Variants in SLC9C1 observed in about 807,000 individuals in gnomAD.
The protein encoded by SLC9C1 is sodium/hydrogen exchanger 10.
A neutral mutation model predicts 140.9 loss-of-function variants in SLC9C1; 97 were observed. The ratio of observed to expected loss-of-function variants is 0.69; its 90% confidence interval spans 0.58 to 0.82. SLC9C1 has a LOEUF of 0.82. SLC9C1 is among the 40% of genes least tolerant of loss of function. The pLI, the probability that SLC9C1 is intolerant of heterozygous loss-of-function variation, is 0.00. For synonymous variants in SLC9C1, 440 were observed against 442.6 expected (o/e 0.99, Z 0.07); for missense variants, 1,340 against 1,389.3 (o/e 0.96, Z 0.56).
intron 10 of SLC9C1, among the ~76,000 whole-genome samples, chr3:112,257,557 G>A (rs1458271940): frequency 6.6e-6 from 1 of 152,088 alleles, no homozygotes; most frequent in South Asian, 2.1e-4. Context: ...ACTCAAGATA[G>A]ATTAAAGACT....
chr3:112,170,905 C>A (rs1442091367), intron 23 of SLC9C1, among the ~76,000 whole-genome samples: 4 of 152,186 alleles, frequency 2.6e-5, no homozygotes, highest in African/African-American at 9.6e-5. Context: ...ACATTTTACA[C>A]TCTCATCAGC....
At chr3:112,290,572 T>C (rs1038190457) in intron 1 of SLC9C1, among the ~76,000 whole-genome samples, 5 of 152,190 alleles carry the variant, frequency 3.3e-5, no homozygotes, top group Non-Finnish European at 5.9e-5. Context: ...TACAGGTTCA[T>C]TTGAGCCTGC....
chr3:112,198,586 T>C (rs1419309191), intron 20 of SLC9C1, among the ~76,000 whole-genome samples: 1 of 151,786 alleles, frequency 6.6e-6, no homozygotes, highest in East Asian at 1.9e-4. Flanking sequence ...GTTAGGGAGG[T>C]TCCTTCTATT....
chr3:112,233,631 A>G (rs13080342), intron 12 of SLC9C1, among the ~76,000 whole-genome samples: 1 of 132,360 alleles, frequency 7.6e-6, no homozygotes, highest in Admixed American at 8.0e-5. Flanking sequence ...TCCCTCCCCC[A>G]ACCCCCACCC....
chr3:112,180,959 T>C (rs1326773523), intron 21 of SLC9C1, among the ~76,000 whole-genome samples: 1 of 152,226 alleles, frequency 6.6e-6, no homozygotes, highest in Admixed American at 6.5e-5. Flanking sequence ...TTTCACCACA[T>C]TGGCCAGGCT....
chr3:112,250,581 C>G, intron 10 of SLC9C1, among the ~76,000 whole-genome samples: 1 of 152,024 alleles, frequency 6.6e-6, no homozygotes. Flanking sequence ...CCTGTTGTGT[C>G]TATGGTTTTT....
At chr3:112,152,651 G>A (rs969840376) in intron 27 of SLC9C1, among the ~76,000 whole-genome samples, 15 of 152,276 alleles carry the variant, frequency 9.9e-5, no homozygotes, top group African/African-American at 3.4e-4. Context: ...TCTCAGTGGG[G>A]AGAAACCTTG....
At chr3:112,164,131 T>A (rs372673370) in intron 26 of SLC9C1, among the ~76,000 whole-genome samples, 2 of 151,904 alleles carry the variant, frequency 1.3e-5, no homozygotes, top group Non-Finnish European at 2.9e-5. Context: ...CTTGGTAGAT[T>A]TTCCTCCATC....
At chr3:112,267,681 A>T (rs2079963156) in intron 7 of SLC9C1, among the ~76,000 whole-genome samples, 1 of 151,724 alleles carries the variant, frequency 6.6e-6, no homozygotes, top group South Asian at 2.1e-4. Flanking sequence ...TAATTTAGTG[A>T]AATTAATGCC....
At chr3:112,155,683 G>A (rs2075108365) in intron 26 of SLC9C1, among the ~76,000 whole-genome samples, 1 of 152,174 alleles carries the variant, frequency 6.6e-6, no homozygotes. Flanking sequence ...GGAATGGGAG[G>A]CCACCAGGTC....
intron 20 of SLC9C1, among the ~76,000 whole-genome samples, chr3:112,196,958 A>T (rs533318177): frequency 2.7e-4 from 9 of 32,910 alleles, no homozygotes; most frequent in South Asian, 1.2e-3. Context: ...CTTGTGATTT[A>T]AAAAAAAAAA....
chr3:112,149,976 A>G (rs2074910481), intron 28 of SLC9C1, among the ~76,000 whole-genome samples: 2 of 152,154 alleles, frequency 1.3e-5, no homozygotes, highest in African/African-American at 4.8e-5. Flanking sequence ...GCACATACAG[A>G]TAAGTTTGTG....
chr3:112,153,004 T>G (rs1305003999), intron 27 of SLC9C1, among the ~76,000 whole-genome samples: 5 of 152,176 alleles, frequency 3.3e-5, no homozygotes, highest in African/African-American at 1.2e-4. Context: ...CCCCACACCT[T>G]TGGTGGACTT....
At chr3:112,164,892 A>G (rs62277471) in intron 26 of SLC9C1, among the ~76,000 whole-genome samples, 1 of 152,188 alleles carries the variant, frequency 6.6e-6, no homozygotes, top group Non-Finnish European at 1.5e-5. Flanking sequence ...CATTCTCCCC[A>G]TCACTTTCAG....
intron 10 of SLC9C1, among the ~76,000 whole-genome samples, chr3:112,249,601 T>G (rs987791847): frequency 2.0e-5 from 3 of 152,140 alleles, no homozygotes; most frequent in African/African-American, 7.2e-5. Flanking sequence ...GGTTATTAGA[T>G]GCAGAATCAA....
intron 26 of SLC9C1, among the ~76,000 whole-genome samples, chr3:112,166,066 A>T (rs188868093): frequency 6.6e-6 from 1 of 152,304 alleles, no homozygotes; most frequent in East Asian, 1.9e-4. Flanking sequence ...GGACCCTCCA[A>T]GCCAGGCGCT....
intron 20 of SLC9C1, among the ~76,000 whole-genome samples, chr3:112,195,669 C>G (rs1198707371): frequency 6.6e-6 from 1 of 151,908 alleles, no homozygotes; most frequent in Non-Finnish European, 1.5e-5. Flanking sequence ...GATGAACTCC[C>G]AGAGCTATAA....
Position 112,180,587 on chromosome 3 carries a change from T to C in SLC9C1, c.2725A>G (p.Ile909Val). 6.2e-7 allele frequency: 1 copy of C among 1,611,212 alleles called. No homozygotes were observed. Among genetic ancestry groups the C allele is most frequent in the Non-Finnish European group, 8.5e-7 (1 of 1,179,154 alleles). Residue 909 changes from isoleucine to valine, a missense_variant, in exon 22 of 29, where the codon ATC becomes GTC. Transcript: ENST00000305815. ...ACCTTTACCATGCCTGAAATAATGATATAGATTCCTTTGGGCTCATCACCT... is the reference window on the plus strand; with the variant it reads ...ACCTTTACCATGCCTGAAATAATGACATAGATTCCTTTGGGCTCATCACCT... ...EEGDEPKGIY[I>V]IISGMVKLEK...
chr3:112,263,604 A>G (rs1238006325), intron 9 of SLC9C1, among the ~76,000 whole-genome samples: 1 of 151,712 alleles, frequency 6.6e-6, no homozygotes, highest in Non-Finnish European at 1.5e-5. Context: ...TTTACTTGGC[A>G]CTAGATGCCT....
Sources: allele counts gnomAD v4.1 joint callset (sites outside exome capture counted in the v4.1 genomes callset), GRCh38; gene constraint gnomAD v4.1.1; transcripts MANE v1.5; gene names NCBI Gene and HGNC (gene_info 2026-07-23, HGNC 2026-07-21).